The following ANKH variants were observed in gnomAD, a reference collection of about 807,000 sequenced individuals.
The protein encoded by ANKH is ANKH inorganic pyrophosphate transport regulator.
In ANKH, 15 loss-of-function variants were observed where a neutral mutation model predicts 49.0. The ratio of observed to expected loss-of-function variants is 0.31; its 90% CI spans 0.20 to 0.47. ANKH has a LOEUF of 0.47. Ranked by LOEUF, ANKH falls within the 20% of genes least tolerant of loss-of-function variation. The pLI is 1.00. For synonymous variants in ANKH, 273 were observed against 260.0 expected, an observed-to-expected ratio of 1.05 and a Z score of -0.48; for missense variants, 429 against 652.0, an observed-to-expected ratio of 0.66 and a Z score of 3.72.
chr5:14,779,700 T>C (rs7704578), intron 1 of ANKH, among the ~76,000 whole-genome samples: 2 of 152,142 alleles, frequency 1.3e-5, no homozygotes, highest in South Asian at 4.1e-4. Context: ...CATACTTTTT[T>C]GGGTAGAATC....
At chr5:14,813,817 T>A (rs1443980252) in intron 1 of ANKH, among the ~76,000 whole-genome samples, 2 of 152,140 alleles carry the variant, frequency 1.3e-5, no homozygotes, top group Non-Finnish European at 2.9e-5. Flanking sequence ...TCAGAACCCA[T>A]TAAGGACTCT....
chr5:14,708,550 T>G lies in ANKH; in HGVS notation c.*2647A>C, dbSNP rs1283919699. Reference sequence around the variant, plus strand: ...AGAAAGGTCACCCTCCCTGGTTTGATCTCTCATGTCTAGCTGGATGATGGG... The same window carrying G: ...AGAAAGGTCACCCTCCCTGGTTTGAGCTCTCATGTCTAGCTGGATGATGGG... On this transcript the variant is annotated 3_prime_UTR_variant, in exon 12 of 12. Coordinates refer to ENST00000284268, the MANE Select transcript of ANKH (RefSeq NM_054027.6). 2 of 152,232 alleles carry G rather than the reference T, an allele frequency of 1.3e-5. No homozygotes were observed. The highest frequency in any genetic ancestry group is 2.9e-5 in the Non-Finnish European group (2 of 68,046). The allele number at this position is 152,232 out of a possible 1,614,324, so 9.4% of individuals were successfully genotyped here.
chr5:14,802,636 A>C (rs907257842), intron 1 of ANKH, among the ~76,000 whole-genome samples: 2 of 151,288 alleles, frequency 1.3e-5, no homozygotes, highest in African/African-American at 2.4e-5. Context: ...CCTCTTCTCC[A>C]TTCTAGATTC....
At chr5:14,856,366 C>T (rs528628849) in intron 1 of ANKH, among the ~76,000 whole-genome samples, 2 of 152,298 alleles carry the variant, frequency 1.3e-5, no homozygotes, top group South Asian at 2.1e-4. Context: ...AGCACGTTTG[C>T]ATCCAGTCTG....
intron 1 of ANKH, among the ~76,000 whole-genome samples, chr5:14,793,035 A>AATATATAT (rs1247366121): frequency 1.4e-5 from 1 of 72,290 alleles, no homozygotes; most frequent in Non-Finnish European, 2.5e-5. Flanking sequence ...TATATATATA[A>AATATATAT]AAATATATAT....
chr5:14,797,279 A>T, intron 1 of ANKH: 1 of 1,466,504 alleles, frequency 6.8e-7, no homozygotes, highest in Non-Finnish European at 9.6e-7. Context: ...GTATCTTGGC[A>T]GTGTGACCAC....
chr5:14,750,334 A>T (rs1188856716), intron 5 of ANKH, among the ~76,000 whole-genome samples: 1 of 152,236 alleles, frequency 6.6e-6, no homozygotes, highest in Non-Finnish European at 1.5e-5. Flanking sequence ...GGTCATCTCT[A>T]TAAGGTTCTC....
At chr5:14,733,005 G>C (rs1738053116) in intron 8 of ANKH, among the ~76,000 whole-genome samples, 1 of 152,168 alleles carries the variant, frequency 6.6e-6, no homozygotes, top group Non-Finnish European at 1.5e-5. Flanking sequence ...TTCAAAGGAG[G>C]GAACTTGTAA....
chr5:14,716,852 C>G lies in ANKH; in HGVS notation c.1012-17G>C. 6.2e-7 allele frequency: 1 copy of G among 1,613,142 alleles called. No homozygotes were observed. Among genetic ancestry groups the G allele is most frequent in the South Asian group, 1.1e-5 (1 of 90,956 alleles). On this transcript the variant is annotated splice_polypyrimidine_tract_variant and intron_variant, in intron 8 of 11. Transcript: ENST00000284268. ...GAAACAGAGCTGGGGAGAAAGACAT[C>G]AAACAGGGTTGTGAGGAAAAAGTGT...
intron 1 of ANKH, among the ~76,000 whole-genome samples, chr5:14,796,943 T>C (rs751337894): frequency 3.9e-5 from 6 of 152,192 alleles, no homozygotes; most frequent in Non-Finnish European, 5.9e-5. Flanking sequence ...GTAGCTTTGT[T>C]GAATCAAGCC....
rs1438211173 is a variant in ANKH at position 14,713,921 on chromosome 5, C to G, written c.1142-254G>C. The stretch of plus-strand genomic sequence containing the variant: ...GGGACCAGGCAGGCTCCTTTCTCCA[C>G]TGGGACAGCATCTTCCAGGCAGCCT... On this transcript the variant is annotated intron_variant, in intron 9 of 11. Coordinates refer to ENST00000284268, the MANE Select transcript of ANKH (RefSeq NM_054027.6). The surrounding 1 kb of genome is among the most constrained non-coding windows in gnomAD (Gnocchi z 4.4). Among the ~76,000 whole-genome samples, 2 of 152,266 alleles carry G rather than the reference C, an allele frequency of 1.3e-5. No individual in the cohort carries two copies. The highest frequency in any genetic ancestry group is 4.8e-5 in the African/African-American group (2 of 41,468).
chr5:14,741,455 A>G (rs1487774887), intron 8 of ANKH: 2 of 255,016 alleles, frequency 7.8e-6, no homozygotes, highest in Non-Finnish European at 1.5e-5. Flanking sequence ...ACTGGGGAAC[A>G]CTGAAGTAAC....
At chr5:14,821,703 T>C (rs1741200921) in intron 1 of ANKH, among the ~76,000 whole-genome samples, 1 of 152,228 alleles carries the variant, frequency 6.6e-6, no homozygotes, top group African/African-American at 2.4e-5. Context: ...GCCTGCTAAC[T>C]AAAGAAAGCA....
chr5:14,819,651 A>G (rs1466977602), intron 1 of ANKH, among the ~76,000 whole-genome samples: 1 of 152,136 alleles, frequency 6.6e-6, no homozygotes, highest in Non-Finnish European at 1.5e-5. Context: ...AGATCTCTTG[A>G]GCCCAGGAAT....
chr5:14,769,281 G>A (rs922763421), intron 1 of ANKH, 90 bp from the exon 2 acceptor site: 21 of 1,112,608 alleles, frequency 1.9e-5, no homozygotes, highest in Admixed American at 5.9e-5. Context: ...AGCAGATCAC[G>A]TTTCTATAGA....
chr5:14,778,091 A>C (rs1580060125), intron 1 of ANKH, among the ~76,000 whole-genome samples: 1 of 152,204 alleles, frequency 6.6e-6, no homozygotes, highest in East Asian at 1.9e-4. Flanking sequence ...GTCACCCAGC[A>C]GCTGAAATTC....
At chr5:14,718,739 G>C (rs1051221248) in intron 8 of ANKH, among the ~76,000 whole-genome samples, 1 of 151,218 alleles carries the variant, frequency 6.6e-6, no homozygotes, top group Non-Finnish European at 1.5e-5. Flanking sequence ...GAACCCGGGA[G>C]ACGGAGGTTG....
At chr5:14,810,101 C>G (rs31909) in intron 1 of ANKH, among the ~76,000 whole-genome samples, 91,938 of 151,528 alleles carry the variant, frequency 0.61, 28,126 homozygotes, top group East Asian at 0.84. Flanking sequence ...GAAGCAATTT[C>G]CAATTCTGAG....
At chr5:14,824,574 ATT>A (rs1741287257) in intron 1 of ANKH, among the ~76,000 whole-genome samples, 1 of 152,184 alleles carries the variant, frequency 6.6e-6, no homozygotes, top group Non-Finnish European at 1.5e-5. Context: ...ATAAGAAGTA[ATT>A]TCCAAACAGT....
Sources: allele counts gnomAD v4.1 joint callset (sites outside exome capture counted in the v4.1 genomes callset), GRCh38; gene constraint gnomAD v4.1.1; non-coding constraint Gnocchi (gnomAD v3.1); transcripts MANE v1.5; gene names NCBI Gene and HGNC (gene_info 2026-07-23, HGNC 2026-07-21).